The following SMYD3 variants were observed in gnomAD, a reference collection of about 807,000 sequenced individuals.
The protein encoded by SMYD3 is histone-lysine N-methyltransferase SMYD3.
In SMYD3, 36 loss-of-function variants were observed where a neutral mutation model predicts 57.7. That is an observed-to-expected ratio of 0.62 (90% CI 0.48 to 0.82). The LOEUF (loss-of-function observed/expected upper bound fraction) is 0.82, where lower values mean the gene tolerates loss of function less well. Among genes scored for constraint, SMYD3 ranks in the 40% least tolerant of loss-of-function variants. SMYD3 has a pLI of 0.00. For synonymous variants in SMYD3, 211 were observed against 195.0 expected (o/e 1.08, Z -0.68); for missense variants, 515 against 538.8 (o/e 0.96, Z 0.44).
chr1:245,867,595 G>A (rs897263812), intron 8 of SMYD3, among the ~76,000 whole-genome samples: 2 of 152,004 alleles, frequency 1.3e-5, no homozygotes, highest in Non-Finnish European at 2.9e-5. Flanking sequence ...TAATCATGGT[G>A]TTCATACTGA....
chr1:246,173,083 G>A (rs547090428), intron 5 of SMYD3, among the ~76,000 whole-genome samples: 40 of 149,724 alleles, frequency 2.7e-4, no homozygotes, highest in Non-Finnish European at 4.3e-4. Flanking sequence ...AACACTCACT[G>A]TACTCTACTG....
At chr1:246,114,492 T>C (rs1275237166) in intron 5 of SMYD3, among the ~76,000 whole-genome samples, 2 of 152,220 alleles carry the variant, frequency 1.3e-5, no homozygotes, top group African/African-American at 2.4e-5. Flanking sequence ...GCTCTGCATA[T>C]ACCCCAGCAG....
At chr1:246,477,897 C>T (rs976753416) in intron 1 of SMYD3, among the ~76,000 whole-genome samples, 2 of 127,930 alleles carry the variant, frequency 1.6e-5, no homozygotes, top group African/African-American at 2.9e-5. Flanking sequence ...AAGCCACCTG[C>T]GTCTACACTA....
At chr1:246,351,153 T>A (rs1348489296) in intron 2 of SMYD3, among the ~76,000 whole-genome samples, 1 of 152,160 alleles carries the variant, frequency 6.6e-6, no homozygotes, top group Non-Finnish European at 1.5e-5. Context: ...AACCCAAAAA[T>A]ACGATTCACA....
At chr1:245,843,792 G>A (rs931279853) in intron 10 of SMYD3, among the ~76,000 whole-genome samples, 1 of 152,162 alleles carries the variant, frequency 6.6e-6, no homozygotes. Flanking sequence ...TTGGAGCTGA[G>A]TTAGTTTGTT....
At chr1:246,176,051 T>G (rs1479921995) in intron 5 of SMYD3, among the ~76,000 whole-genome samples, 1 of 152,216 alleles carries the variant, frequency 6.6e-6, no homozygotes, top group Non-Finnish European at 1.5e-5. Context: ...GGAAACCAAG[T>G]GTTTTACTCT....
Position 245,764,131 on chromosome 1 carries a change from G to C in SMYD3, c.1095C>G (p.Ser365Arg), listed in dbSNP as rs201329671. 4.3e-6 allele frequency: 7 copies of C among 1,613,784 alleles called. No homozygotes were observed. The highest frequency in any genetic ancestry group is 1.3e-5 in the African/African-American group (1 of 75,030). ...MEPYRIFFPG[S>R]HPVRGVQVMK... ...TCACTTGAACCCCTCTGACGGGATG[G>C]CTTCCTGGGAAAAAAATCCTGGAAG... is the stretch of plus-strand genomic sequence containing the variant. The change falls in exon 11 of 12, where the codon AGC becomes AGG. Residue 365 changes from serine (S) to arginine (R), a missense_variant. Physicochemically the swap from Ser to Arg is moderately radical, Grantham distance 110. Transcript: ENST00000490107.
chr1:246,340,339 A>C (rs908547675), intron 2 of SMYD3, among the ~76,000 whole-genome samples: 3 of 152,110 alleles, frequency 2.0e-5, no homozygotes, highest in Non-Finnish European at 4.4e-5. Flanking sequence ...ATACATATAT[A>C]GACACAGTGT....
chr1:246,115,539 A>C (rs1433462326), intron 5 of SMYD3, among the ~76,000 whole-genome samples: 2 of 152,208 alleles, frequency 1.3e-5, no homozygotes, highest in African/African-American at 4.8e-5. Flanking sequence ...CTAGTACCCA[A>C]AAAGATAAAA....
intron 1 of SMYD3, among the ~76,000 whole-genome samples, chr1:246,401,710 T>A (rs2066772032): frequency 7.7e-6 from 1 of 129,852 alleles, no homozygotes; most frequent in Non-Finnish European, 1.6e-5. Flanking sequence ...TGTTCTTAAA[T>A]CCCAGTAATT....
intron 5 of SMYD3, among the ~76,000 whole-genome samples, chr1:245,950,117 T>C (rs1324783897): frequency 6.6e-6 from 1 of 151,952 alleles, no homozygotes; most frequent in African/African-American, 2.4e-5. Context: ...GACTAAGAAA[T>C]ACATTAATTC....
At chr1:245,780,491 C>G (rs1374447712) in intron 10 of SMYD3, among the ~76,000 whole-genome samples, 3 of 152,050 alleles carry the variant, frequency 2.0e-5, no homozygotes, top group African/African-American at 7.2e-5. Flanking sequence ...GGCAAATCCA[C>G]AGAGACACAA....
chr1:246,095,433 A>C (rs1021568039), intron 5 of SMYD3, among the ~76,000 whole-genome samples: 1 of 152,248 alleles, frequency 6.6e-6, no homozygotes. Flanking sequence ...CAGCACGCAA[A>C]TGTAATATGC....
intron 1 of SMYD3, among the ~76,000 whole-genome samples, chr1:246,487,361 A>T (rs1572049502): frequency 1.3e-5 from 2 of 151,960 alleles, no homozygotes; most frequent in East Asian, 1.9e-4. Flanking sequence ...TCAGGAGGCT[A>T]AGGCAAGAGA....
At chr1:245,913,786 C>T (rs2055196410) in intron 8 of SMYD3, among the ~76,000 whole-genome samples, 1 of 152,012 alleles carries the variant, frequency 6.6e-6, no homozygotes, top group Non-Finnish European at 1.5e-5. Flanking sequence ...GCAAAAATAT[C>T]ACAAATATTC....
intron 5 of SMYD3, among the ~76,000 whole-genome samples, chr1:245,941,897 G>A (rs1232620610): frequency 6.6e-6 from 1 of 152,166 alleles, no homozygotes; most frequent in East Asian, 1.9e-4. Flanking sequence ...AAGTGAAGGA[G>A]AAATAAAATC....
At position 245,878,978 on chromosome 1, in the gene SMYD3, T is replaced by C. The variant is rs12068955; in HGVS notation, c.814-15092A>G. Among the ~76,000 whole-genome samples, 149 of 152,186 alleles carry C rather than the reference T, an allele frequency of 9.8e-4. 1 individual carries two copies. Among genetic ancestry groups the C allele is most frequent in the Admixed American group, 9.7e-3 (148 of 15,288 alleles). On this transcript the variant is annotated intron_variant, in intron 8 of 11. Transcript: ENST00000490107. The stretch of plus-strand genomic sequence containing the variant: ...CTACAGTTTAGCCCATGAAACCAAT[T>C]TGTATTTGTTTGGCCTCCAGGAAGA...
rs201322590 is a variant in SMYD3 at position 245,828,483 on chromosome 1, AT to A, written c.1076+30012del. On this transcript the variant is annotated intron_variant, in intron 10 of 11. Coordinates refer to ENST00000490107, the MANE Select transcript of SMYD3 (RefSeq NM_001167740.2). ...AGTTAATGAAACACTTGAACACATT[AT>A]TTTTTTTTGATGATAGGTCATTATG... Among the ~76,000 whole-genome samples, 120 of 151,184 alleles carry A rather than the reference AT, an allele frequency of 7.9e-4. 1 individual carries two copies. The highest frequency in any genetic ancestry group is 2.5e-3 in the African/African-American group (104 of 41,312).
intron 8 of SMYD3, among the ~76,000 whole-genome samples, chr1:245,901,742 T>C (rs1403174589): frequency 6.6e-6 from 1 of 152,040 alleles, no homozygotes; most frequent in Non-Finnish European, 1.5e-5. Context: ...GGACAGGGAC[T>C]CTCCAAGGCA....
Sources: gnomAD v4.1 joint callset for allele counts (sites outside exome capture counted in the v4.1 genomes callset) on GRCh38, gnomAD v4.1.1 for gene constraint, MANE v1.5 for transcripts, NCBI Gene and HGNC (gene_info 2026-07-23, HGNC 2026-07-21) for gene names.